DEPDC1B: variants seen among roughly 807,000 people sequenced by gnomAD.
DEPDC1B encodes the protein DEP domain containing 1B.
In DEPDC1B, 51 loss-of-function variants were observed where a neutral mutation model predicts 66.5. The ratio of observed to expected loss-of-function variants is 0.77; its 90% CI spans 0.61 to 0.97. DEPDC1B has a LOEUF of 0.97. Ranked by LOEUF, DEPDC1B falls within the 50% of genes least tolerant of loss-of-function variation. DEPDC1B has a pLI of 0.00. For missense variants in DEPDC1B, 552 were observed against 637.1 expected (o/e 0.87, Z 1.44); for synonymous variants, 226 against 223.6 (o/e 1.01, Z -0.10).
intron 7 of DEPDC1B, among the ~76,000 whole-genome samples, chr5:60,636,927 C>G (rs1753056667): frequency 6.6e-6 from 1 of 152,122 alleles, no homozygotes; most frequent in Non-Finnish European, 1.5e-5. Context: ...TTAGAAGCAG[C>G]TTTCATGCCT....
intron 7 of DEPDC1B, among the ~76,000 whole-genome samples, chr5:60,619,826 T>C (rs1212138289): frequency 2.0e-5 from 3 of 152,112 alleles, no homozygotes; most frequent in Non-Finnish European, 4.4e-5. Flanking sequence ...GAGCCCGCAT[T>C]ACCAAATCAA....
intron 2 of DEPDC1B, among the ~76,000 whole-genome samples, chr5:60,662,501 G>A (rs1225167900): frequency 6.6e-6 from 1 of 152,164 alleles, no homozygotes; most frequent in Non-Finnish European, 1.5e-5. Flanking sequence ...AGGTGGAACG[G>A]GACAAATAGG....
intron 2 of DEPDC1B, among the ~76,000 whole-genome samples, chr5:60,670,853 C>G (rs1754019064): frequency 6.6e-6 from 1 of 152,158 alleles, no homozygotes; most frequent in Admixed American, 6.5e-5. Flanking sequence ...ATTCGGACTC[C>G]TTGTGGCCAG....
intron 2 of DEPDC1B, among the ~76,000 whole-genome samples, chr5:60,686,174 G>A (rs986582133): frequency 6.6e-6 from 1 of 152,188 alleles, no homozygotes; most frequent in Non-Finnish European, 1.5e-5. Flanking sequence ...TGAATATGCT[G>A]CAATCACACT....
intron 7 of DEPDC1B, among the ~76,000 whole-genome samples, chr5:60,615,381 G>GAAT (rs1401079093): frequency 1.3e-5 from 2 of 152,202 alleles, no homozygotes; most frequent in African/African-American, 4.8e-5. Context: ...AGGGGTCAGG[G>GAAT]AATTCCCTTT....
intron 7 of DEPDC1B, among the ~76,000 whole-genome samples, chr5:60,614,187 G>C (rs563276044): frequency 5.9e-5 from 9 of 152,158 alleles, no homozygotes; most frequent in Admixed American, 5.9e-4. Flanking sequence ...AGCACCATGC[G>C]TTTCCCCATC....
At chr5:60,625,418 T>C (rs918005195) in intron 7 of DEPDC1B, among the ~76,000 whole-genome samples, 1 of 152,192 alleles carries the variant, frequency 6.6e-6, no homozygotes, top group Non-Finnish European at 1.5e-5. Context: ...GTTTCCTGAC[T>C]TTTTAATAAT....
At position 60,603,372 on chromosome 5, in the gene DEPDC1B, A is replaced by G. The variant is rs200459236; in HGVS notation, c.1242+19T>C. 9.7e-5 allele frequency: 148 copies of G among 1,528,904 alleles called. No homozygotes were observed. The highest frequency in any genetic ancestry group is 2.8e-4 in the South Asian group (21 of 75,176). 94.7% of individuals were successfully genotyped at this position (1,528,904 alleles called of 1,614,324 possible). ...TTATATTGCCAATTTCATAGAACTG[A>G]TAATATCCTCTCCTTTACCTGGACT... On this transcript the variant is annotated intron_variant, in intron 9 of 10. Coordinates refer to ENST00000265036, the MANE Select transcript of DEPDC1B (RefSeq NM_018369.3).
intron 2 of DEPDC1B, among the ~76,000 whole-genome samples, chr5:60,660,958 GA>G (rs1367251673): frequency 6.6e-6 from 1 of 152,086 alleles, no homozygotes; most frequent in Non-Finnish European, 1.5e-5. Context: ...GCAGAGTTAG[GA>G]AAATTGCCTA....
At chr5:60,614,648 T>G (rs1365924383) in intron 7 of DEPDC1B, among the ~76,000 whole-genome samples, 3 of 152,238 alleles carry the variant, frequency 2.0e-5, no homozygotes, top group Non-Finnish European at 4.4e-5. Flanking sequence ...CAACTGGATA[T>G]GAGTACTGCA....
intron 7 of DEPDC1B, among the ~76,000 whole-genome samples, chr5:60,615,913 T>C (rs1752541719): frequency 6.6e-6 from 1 of 152,154 alleles, no homozygotes; most frequent in Non-Finnish European, 1.5e-5. Flanking sequence ...GAATGACACC[T>C]CACATGGCCG....
intron 2 of DEPDC1B, among the ~76,000 whole-genome samples, chr5:60,661,377 T>C (rs180864752): frequency 1.3e-5 from 2 of 152,302 alleles, no homozygotes; most frequent in East Asian, 1.9e-4. Context: ...GAATAAGCAT[T>C]AGGACCATAG....
intron 7 of DEPDC1B, among the ~76,000 whole-genome samples, chr5:60,626,905 C>G (rs578230822): frequency 5.0e-4 from 76 of 151,980 alleles, no homozygotes; most frequent in Non-Finnish European, 9.3e-4. Flanking sequence ...AAGTCTTCAG[C>G]ACATGGGTGA....
intron 1 of DEPDC1B, among the ~76,000 whole-genome samples, chr5:60,690,115 T>G (rs1754508421): frequency 6.6e-6 from 1 of 152,222 alleles, no homozygotes; most frequent in Non-Finnish European, 1.5e-5. Flanking sequence ...TTATATTTAA[T>G]AAACCTGAAG....
At chr5:60,619,805 G>A (rs1752659060) in intron 7 of DEPDC1B, among the ~76,000 whole-genome samples, 1 of 152,060 alleles carries the variant, frequency 6.6e-6, no homozygotes, top group Admixed American at 6.6e-5. Context: ...AGTTCATATG[G>A]AACCAAACAA....
At chr5:60,617,326 A>G (rs991210718) in intron 7 of DEPDC1B, among the ~76,000 whole-genome samples, 2 of 152,218 alleles carry the variant, frequency 1.3e-5, no homozygotes, top group Non-Finnish European at 2.9e-5. Context: ...TGCTCCAATT[A>G]AAAGACCCAA....
rs756329731 is a variant in DEPDC1B, at chr5:60,647,405, A to G, written c.443T>C (p.Val148Ala). ...TSQENIPVRP[V>A]VMNSEMWYKR... ...TTCAGTCATGGCACTTACCATCACA[A>G]CTGGCCTCACTGGGATGTTCTCTTG... Residue 148 changes from valine (V) to alanine (A), a missense_variant, in exon 3 of 11, where the codon GTT becomes GCT. Coordinates refer to ENST00000265036, the MANE Select transcript of DEPDC1B (RefSeq NM_018369.3). 6.2e-7 allele frequency: 1 copy of G among 1,604,946 alleles called. No homozygotes were observed.
intron 2 of DEPDC1B, among the ~76,000 whole-genome samples, chr5:60,684,723 A>C (rs181672555): frequency 6.6e-6 from 1 of 152,324 alleles, no homozygotes; most frequent in Admixed American, 6.5e-5. Context: ...CAGGTAACAA[A>C]AACAAAAATA....
chr5:60,656,199 C>T (rs1377192503), intron 2 of DEPDC1B, among the ~76,000 whole-genome samples: 1 of 148,760 alleles, frequency 6.7e-6, no homozygotes, highest in Non-Finnish European at 1.5e-5. Context: ...CTCACTCTGC[C>T]ACCCAGGCTG....
Sources: allele counts gnomAD v4.1 joint callset (sites outside exome capture counted in the v4.1 genomes callset), GRCh38; gene constraint gnomAD v4.1.1; transcripts MANE v1.5; gene names NCBI Gene and HGNC (gene_info 2026-07-23, HGNC 2026-07-21).